BMPER: variants seen among roughly 807,000 people sequenced by gnomAD.
BMPER encodes the protein BMP-binding endothelial regulator protein.
Under a neutral mutation model 87.3 loss-of-function variants are expected in BMPER, and 45 were observed. The observed-to-expected ratio is 0.52, with a 90% CI of 0.41 to 0.66. The LOEUF is 0.66. Among genes scored for constraint, BMPER ranks in the 30% least tolerant of loss-of-function variants. The pLI, the probability that BMPER is intolerant of heterozygous loss-of-function variation, is 0.00. For missense variants in BMPER, 784 were observed against 867.5 expected (o/e 0.90, Z 1.21); for synonymous variants, 326 against 316.2 (o/e 1.03, Z -0.33).
intron 3 of BMPER, among the ~76,000 whole-genome samples, chr7:33,945,867 T>A (rs894778186): frequency 6.6e-6 from 1 of 152,032 alleles, no homozygotes; most frequent in African/African-American, 2.4e-5. Flanking sequence ...TGCCAAGATG[T>A]TAGTGACCCA....
At chr7:33,919,941 A>ATCTATCTATCTC (rs1554297031) in intron 2 of BMPER, among the ~76,000 whole-genome samples, 1 of 152,036 alleles carries the variant, frequency 6.6e-6, no homozygotes, top group African/African-American at 2.4e-5. Flanking sequence ...CTATCTATCT[A>ATCTATCTATCTC]TCTATCTATC....
At chr7:34,016,036 G>A (rs1442955840) in intron 6 of BMPER, among the ~76,000 whole-genome samples, 1 of 151,850 alleles carries the variant, frequency 6.6e-6, no homozygotes, top group Non-Finnish European at 1.5e-5. Context: ...GAGACTGAGA[G>A]AGAGAGAGAA....
At chr7:33,914,287 A>T (rs2128602569) in intron 2 of BMPER, among the ~76,000 whole-genome samples, 1 of 152,298 alleles carries the variant, frequency 6.6e-6, no homozygotes, top group Middle Eastern at 3.4e-3. Context: ...TTTATACATT[A>T]ATCAGGATTG....
intron 8 of BMPER, among the ~76,000 whole-genome samples, chr7:34,054,549 G>T (rs1235398341): frequency 1.3e-5 from 2 of 152,108 alleles, no homozygotes; most frequent in African/African-American, 4.8e-5. Flanking sequence ...ACTTACAGAT[G>T]ATACAAACTC....
chr7:34,058,046 C>T lies in BMPER; in HGVS notation c.928-13C>T, dbSNP rs1468363370. Reference sequence around the variant, plus strand: ...CTCCAGCTGCTGACAGGATCCTGTGCCCTCTCTTGTAGGATGGAGAGATGT... The same window carrying T: ...CTCCAGCTGCTGACAGGATCCTGTGTCCTCTCTTGTAGGATGGAGAGATGT... On this transcript the variant is annotated splice_polypyrimidine_tract_variant and intron_variant, in intron 9 of 14. Coordinates refer to ENST00000649409, the MANE Select transcript of BMPER (RefSeq NM_001365308.1). 1.2e-6 allele frequency: 2 copies of T among 1,611,122 alleles called. No individual in the cohort carries two copies. The highest frequency in any genetic ancestry group is 1.7e-6 in the Non-Finnish European group (2 of 1,177,430).
At chr7:34,105,048 A>G (rs1424254268) in intron 13 of BMPER, among the ~76,000 whole-genome samples, 2 of 152,202 alleles carry the variant, frequency 1.3e-5, no homozygotes, top group Non-Finnish European at 2.9e-5. Context: ...GCAATTGGCT[A>G]GGAATGTGTG....
chr7:34,123,714 T>C (rs1337416426), intron 13 of BMPER, among the ~76,000 whole-genome samples: 1 of 152,248 alleles, frequency 6.6e-6, no homozygotes, highest in Admixed American at 6.5e-5. Flanking sequence ...CACATTATCC[T>C]TCTCTGTTAA....
At chr7:34,146,777 A>G (rs1181458963) in intron 14 of BMPER, among the ~76,000 whole-genome samples, 2 of 152,172 alleles carry the variant, frequency 1.3e-5, no homozygotes, top group Non-Finnish European at 2.9e-5. Flanking sequence ...ATGAGAACAC[A>G]GAGACCCAAG....
At chr7:34,091,002 T>TAAATC (rs1166846198) in intron 13 of BMPER, among the ~76,000 whole-genome samples, 1 of 152,226 alleles carries the variant, frequency 6.6e-6, no homozygotes, top group African/African-American at 2.4e-5. Flanking sequence ...GCCAGAGGAT[T>TAAATC]CACAGATGTG....
chr7:34,029,623 G>C (rs1408640643), intron 6 of BMPER, among the ~76,000 whole-genome samples: 1 of 151,962 alleles, frequency 6.6e-6, no homozygotes, highest in Non-Finnish European at 1.5e-5. Flanking sequence ...CTTTTTCTTT[G>C]GATCTTTATT....
intron 13 of BMPER, among the ~76,000 whole-genome samples, chr7:34,109,557 A>C (rs538212672): frequency 6.6e-6 from 1 of 152,310 alleles, no homozygotes; most frequent in South Asian, 2.1e-4. Flanking sequence ...CTCTCCTATT[A>C]ATTTGTTATA....
chr7:34,055,422 T>C (rs1051179136), intron 9 of BMPER, 119 bp downstream of exon 9: 2 of 1,253,370 alleles, frequency 1.6e-6, no homozygotes, highest in Non-Finnish European at 2.3e-6. Flanking sequence ...CAAATGTATA[T>C]GTGTGCATAT....
At chr7:34,130,929 T>C (rs1431629370) in intron 13 of BMPER, among the ~76,000 whole-genome samples, 2 of 152,354 alleles carry the variant, frequency 1.3e-5, no homozygotes, top group Admixed American at 6.5e-5. Flanking sequence ...CTTTGAATGC[T>C]GTCTTTGCCA....
chr7:34,029,229 A>G (rs952021564), intron 6 of BMPER, among the ~76,000 whole-genome samples: 3 of 152,078 alleles, frequency 2.0e-5, no homozygotes, highest in Non-Finnish European at 4.4e-5. Flanking sequence ...ATGTTGTGCC[A>G]AATTTGAAGA....
chr7:34,009,379 A>G (rs984175051), intron 6 of BMPER, among the ~76,000 whole-genome samples: 1 of 151,894 alleles, frequency 6.6e-6, no homozygotes, highest in African/African-American at 2.4e-5. Context: ...TACTCAGATT[A>G]TGTTTTATGA....
intron 6 of BMPER, among the ~76,000 whole-genome samples, chr7:34,033,057 A>G (rs554226825): frequency 6.6e-6 from 1 of 152,310 alleles, no homozygotes; most frequent in South Asian, 2.1e-4. Context: ...ATGGAAGTCC[A>G]CACAATGCAT....
rs377717422 is a variant in BMPER, at chr7:33,985,729, G to GT, written c.576+10956dup. The stretch of plus-strand genomic sequence containing the variant: ...TTCCATATGTTTATCAGCCATTTGT[G>GT]TTTTTTTTTTTCTGTAAATTGTCTG... On this transcript the variant is annotated intron_variant, in intron 6 of 14. Coordinates refer to ENST00000649409, the MANE Select transcript of BMPER (RefSeq NM_001365308.1). 2.5e-3 allele frequency among the ~76,000 whole-genome samples: 352 copies of GT among 142,486 alleles called. 4 individuals carry two copies. The highest frequency in any genetic ancestry group is 0.015 in the East Asian group (74 of 4,926). 93.5% of individuals were successfully genotyped at this position (142,486 alleles called of 152,430 possible).
rs144451039 is a variant in BMPER at position 34,055,995 on chromosome 7, C to G, written c.927+692C>G. 7.1e-3 allele frequency among the ~76,000 whole-genome samples: 1,086 copies of G among 152,332 alleles called. 13 individuals are homozygous for G. The highest frequency in any genetic ancestry group is 0.025 in the African/African-American group (1,042 of 41,566). On this transcript the variant is annotated intron_variant, in intron 9 of 14. Transcript: ENST00000649409. ...GGAGTCAAATCACTCTCTACCGAAG[C>G]TGTCACCTCATGATACCCATGAGAA...
At position 33,937,363 on chromosome 7, in the gene BMPER, G is replaced by A; in HGVS notation, c.294G>A (p.Arg98=). The change falls in exon 3 of 15, where the codon AGG becomes AGA. Residue 98 remains arginine (R), a synonymous_variant. Transcript: ENST00000649409. ...SRDCALAIKQ[R]GACCEQCKGC... ...ACTGTGCCCTGGCCATCAAGCAGAGGGGAGCCTGTTGTGAACAGTGCAAAG... is the reference window on the plus strand; with the variant it reads ...ACTGTGCCCTGGCCATCAAGCAGAGAGGAGCCTGTTGTGAACAGTGCAAAG... The A allele has an allele frequency of 6.2e-7, 1 of 1,614,182 alleles. No individual in the cohort carries two copies. Among genetic ancestry groups the A allele is most frequent in the South Asian group, 1.1e-5 (1 of 91,080 alleles).
Sources: allele counts gnomAD v4.1 joint callset (sites outside exome capture counted in the v4.1 genomes callset), GRCh38; gene constraint gnomAD v4.1.1; transcripts MANE v1.5; gene names NCBI Gene and HGNC (gene_info 2026-07-23, HGNC 2026-07-21).